The following TBC1D5 variants were observed in gnomAD, a reference collection of about 807,000 sequenced individuals.
The protein encoded by TBC1D5 is TBC1 domain family member 5, also known as TBC1 domain family, member 5.
In TBC1D5, 75 loss-of-function variants were observed where a neutral mutation model predicts 100.3. That is an observed-to-expected ratio of 0.75 (90% CI 0.62 to 0.91). The LOEUF (loss-of-function observed/expected upper bound fraction) is 0.91. Ranked by LOEUF, TBC1D5 falls within the 40% of genes least tolerant of loss-of-function variation. The pLI is 0.00. For synonymous variants in TBC1D5, 323 were observed against 325.6 expected (o/e 0.99, Z 0.09); for missense variants, 910 against 942.4 (o/e 0.97, Z 0.45).
intron 17 of TBC1D5, among the ~76,000 whole-genome samples, chr3:17,229,741 AATTCAAACC>A (rs1163030561): frequency 3.3e-5 from 5 of 152,154 alleles, no homozygotes; most frequent in African/African-American, 1.2e-4. Flanking sequence ...ATGGAGCCTG[AATTCAAACC>A]CAGGCTTGAC....
At chr3:17,545,827 T>C (rs983858522) in intron 2 of TBC1D5, among the ~76,000 whole-genome samples, 2 of 152,174 alleles carry the variant, frequency 1.3e-5, no homozygotes, top group African/African-American at 4.8e-5. Flanking sequence ...TTTCTTTCTT[T>C]CTCCAAACCA....
intron 3 of TBC1D5, among the ~76,000 whole-genome samples, chr3:17,492,441 CT>C (rs33930144): frequency 0.083 from 12,138 of 146,078 alleles, 978 homozygotes; most frequent in African/African-American, 0.22. Flanking sequence ...ACATTTGCAA[CT>C]TTTTTTTTTT....
chr3:17,532,903 G>A (rs573431234), intron 2 of TBC1D5, among the ~76,000 whole-genome samples: 1 of 151,830 alleles, frequency 6.6e-6, no homozygotes, highest in Non-Finnish European at 1.5e-5. Flanking sequence ...GAGTTAATGG[G>A]TGCAGCCCAC....
At chr3:17,585,225 G>A (rs2096725641) in intron 2 of TBC1D5, among the ~76,000 whole-genome samples, 1 of 152,142 alleles carries the variant, frequency 6.6e-6, no homozygotes, top group Non-Finnish European at 1.5e-5. Context: ...AATAAAATGG[G>A]AATGGGTACT....
At chr3:17,193,997 C>T (rs966866501) in intron 18 of TBC1D5, among the ~76,000 whole-genome samples, 2 of 152,156 alleles carry the variant, frequency 1.3e-5, no homozygotes, top group South Asian at 2.1e-4. Flanking sequence ...TCAATTTTTT[C>T]GATCTTTAAT....
rs569607068 is a variant in TBC1D5, at chr3:17,168,757, C to A, written c.1853-929G>T. ...AATCACTACAGTGAGTATGTTCACC[C>A]TCCATTAACATCTGCTTTCTTATTC... is the stretch of plus-strand genomic sequence containing the variant. On this transcript the variant is annotated intron_variant, in intron 19 of 21. Transcript: ENST00000253692. Among the ~76,000 whole-genome samples, 61 of 152,208 alleles carry A rather than the reference C, an allele frequency of 4.0e-4. 1 individual carries two copies. The South Asian group carries it at 0.012, about 31-fold the overall frequency.
chr3:17,250,630 C>T (rs1269277659), intron 16 of TBC1D5, among the ~76,000 whole-genome samples: 2 of 152,206 alleles, frequency 1.3e-5, no homozygotes, highest in East Asian at 1.9e-4. Context: ...TTTCCTATAA[C>T]GGGAAATGTT....
intron 2 of TBC1D5, among the ~76,000 whole-genome samples, chr3:17,552,060 G>A (rs897988043): frequency 6.6e-6 from 1 of 151,988 alleles, no homozygotes; most frequent in African/African-American, 2.4e-5. Flanking sequence ...GTATACATTT[G>A]TAGTTTTATG....
chr3:17,656,431 T>C (rs544915886), intron 1 of TBC1D5, among the ~76,000 whole-genome samples: 1 of 152,278 alleles, frequency 6.6e-6, no homozygotes, highest in South Asian at 2.1e-4. Context: ...AAACAGAAAC[T>C]CCTGCTGGTA....
At chr3:17,528,947 C>T (rs944036750) in intron 2 of TBC1D5, among the ~76,000 whole-genome samples, 1 of 152,304 alleles carries the variant, frequency 6.6e-6, no homozygotes, top group East Asian at 1.9e-4. Context: ...ACTTATGTCT[C>T]TTCTGTCCTT....
At chr3:17,367,760 G>A (rs1348161467) in intron 13 of TBC1D5, among the ~76,000 whole-genome samples, 1 of 151,908 alleles carries the variant, frequency 6.6e-6, no homozygotes, top group Non-Finnish European at 1.5e-5. Flanking sequence ...TCAGGAGGCT[G>A]AGGCAGGATA....
chr3:17,680,201 C>G (rs2069256968), intron 1 of TBC1D5, among the ~76,000 whole-genome samples: 1 of 150,010 alleles, frequency 6.7e-6, no homozygotes. Flanking sequence ...TTAAAGAGAT[C>G]TGATATAATC....
chr3:17,198,990 T>G (rs920231783), intron 18 of TBC1D5, among the ~76,000 whole-genome samples: 1 of 152,226 alleles, frequency 6.6e-6, no homozygotes, highest in African/African-American at 2.4e-5. Flanking sequence ...TCAGTGTGAA[T>G]TGCATTTTCC....
intron 7 of TBC1D5, 122 bp downstream of exon 7, chr3:17,404,572 T>C: frequency 2.5e-6 from 2 of 814,526 alleles, no homozygotes; most frequent in South Asian, 3.8e-5. Context: ...GGTGGTACTG[T>C]ATGTGGAATA....
chr3:17,217,601 G>C (rs1443907362), intron 17 of TBC1D5, among the ~76,000 whole-genome samples: 2 of 152,010 alleles, frequency 1.3e-5, no homozygotes, highest in Admixed American at 1.3e-4. Flanking sequence ...TTGTGATTTT[G>C]ATTTGCAATT....
At chr3:17,304,381 A>T (rs923799417) in intron 14 of TBC1D5, among the ~76,000 whole-genome samples, 1 of 152,130 alleles carries the variant, frequency 6.6e-6, no homozygotes, top group Non-Finnish European at 1.5e-5. Flanking sequence ...AAAGCTTCAA[A>T]ACAAAGAAGA....
At chr3:17,440,027 G>A (rs2094617286) in intron 3 of TBC1D5, among the ~76,000 whole-genome samples, 1 of 152,120 alleles carries the variant, frequency 6.6e-6, no homozygotes, top group African/African-American at 2.4e-5. Flanking sequence ...GCAGTCACAT[G>A]TTGAACACTT....
At chr3:17,734,925 C>CAAAA (rs34091810) in intron 1 of TBC1D5, among the ~76,000 whole-genome samples, 1 of 145,780 alleles carries the variant, frequency 6.9e-6, no homozygotes. Context: ...GTCTCTACGA[C>CAAAA]AAAAAAAAAA....
intron 1 of TBC1D5, among the ~76,000 whole-genome samples, chr3:17,631,125 A>G (rs1577117195): frequency 6.6e-6 from 1 of 152,306 alleles, no homozygotes; most frequent in Non-Finnish European, 1.5e-5. Flanking sequence ...AAAGAAAATT[A>G]AAAGTGCTAT....
Sources: gnomAD v4.1 joint callset for allele counts (sites outside exome capture counted in the v4.1 genomes callset) on GRCh38, gnomAD v4.1.1 for gene constraint, MANE v1.5 for transcripts, NCBI Gene and HGNC (gene_info 2026-07-23, HGNC 2026-07-21) for gene names.